CHIT1: variants seen among roughly 807,000 people sequenced by gnomAD.
CHIT1 encodes the protein chitotriosidase-1.
CHIT1 carries 47 observed loss-of-function variants against 52.0 expected under a neutral mutation model. The observed-to-expected ratio is 0.90, with a 90% CI of 0.71 to 1.15. CHIT1 has a LOEUF of 1.15. Among genes scored for constraint, CHIT1 ranks in the 50% most tolerant of loss-of-function variants. CHIT1 has a pLI of 0.00. For missense variants in CHIT1, 569 were observed against 583.0 expected, an observed-to-expected ratio of 0.98 and a Z score of 0.25; for synonymous variants, 242 against 228.2, an observed-to-expected ratio of 1.06 and a Z score of -0.54.
intron 2 of CHIT1, 52 bp from the exon 3 acceptor site, chr1:203,225,922 G>T (rs773845802): frequency 6.3e-7 from 1 of 1,589,066 alleles, no homozygotes; most frequent in East Asian, 2.3e-5. Flanking sequence ...ACCTTCTGGG[G>T]ACTGGTCACC....
chr1:203,229,666 T>G lies in CHIT1; in HGVS notation c.-30A>C, dbSNP rs780552683. The G allele has an allele frequency of 1.2e-6, 2 of 1,606,122 alleles. No homozygotes were observed. Among genetic ancestry groups the G allele is most frequent in the Admixed American group, 3.3e-5 (2 of 59,840 alleles). ...CAGCTCAGCGGCAGGCTGCAGCCCA[T>G]ACAAACCAGCTTTCCAGGTCCTGCT... is the stretch of plus-strand genomic sequence containing the variant. On this transcript the variant is annotated 5_prime_UTR_variant, in exon 1 of 11. It removes an upstream start codon present in the reference 5' UTR. Transcript: ENST00000367229.
chr1:203,222,349 G>A, intron 6 of CHIT1, 24 bp from the exon 7 acceptor site: 1 of 1,614,116 alleles, frequency 6.2e-7, no homozygotes, highest in Non-Finnish European at 8.5e-7. Context: ...GGAAGAGGAG[G>A]TGAGAAACAA....
intron 9 of CHIT1, among the ~76,000 whole-genome samples, chr1:203,218,318 C>T (rs1656613199): frequency 6.6e-6 from 1 of 152,206 alleles, no homozygotes; most frequent in Non-Finnish European, 1.5e-5. Flanking sequence ...TCTTTGTCTT[C>T]CCTGAGAGCC....
chr1:203,219,151 A>G, intron 9 of CHIT1, 65 bp downstream of exon 9: 1 of 856,692 alleles, frequency 1.2e-6, no homozygotes, highest in Non-Finnish European at 2.1e-6. Context: ...AACTGTCCTC[A>G]TTCCATGTCA....
chr1:203,220,001 C>T, intron 7 of CHIT1, 152 bp from the exon 8 acceptor site: 2 of 951,516 alleles, frequency 2.1e-6, no homozygotes, highest in South Asian at 2.8e-5. Context: ...ACCCCATCTT[C>T]TTTAGAGCCT....
intron 10 of CHIT1, 113 bp downstream of exon 10, chr1:203,217,626 G>T: frequency 1.3e-6 from 2 of 1,529,474 alleles, no homozygotes; most frequent in Middle Eastern, 1.9e-4. Flanking sequence ...TTACAGTATT[G>T]GGGCAAAGTC....
At chr1:203,218,679 G>A (rs909681444) in intron 9 of CHIT1, among the ~76,000 whole-genome samples, 5 of 151,882 alleles carry the variant, frequency 3.3e-5, no homozygotes, top group Admixed American at 6.6e-5. Context: ...AGCCAGGATC[G>A]TGCCCCCCTG....
chr1:203,229,454 G>A (rs1452020658), intron 1 of CHIT1, among the ~76,000 whole-genome samples, 158 bp downstream of exon 1: 2 of 152,102 alleles, frequency 1.3e-5, no homozygotes, highest in East Asian at 1.9e-4. Context: ...GGTAATCAAG[G>A]GACTGCAAGC....
At chr1:203,219,619 C>A in intron 8 of CHIT1, 45 bp downstream of exon 8, 1 of 1,600,972 alleles carries the variant, frequency 6.2e-7, no homozygotes, top group Non-Finnish European at 8.6e-7. Context: ...CTCTCAGGCA[C>A]CCCCTGACCC....
chr1:203,226,328 C>T (rs1208940661), intron 2 of CHIT1, among the ~76,000 whole-genome samples: 1 of 152,158 alleles, frequency 6.6e-6, no homozygotes, highest in Non-Finnish European at 1.5e-5. Context: ...CCCCTCCAGG[C>T]CCTGAAACCT....
chr1:203,227,541 G>A (rs6704514), intron 2 of CHIT1, among the ~76,000 whole-genome samples: 1 of 152,194 alleles, frequency 6.6e-6, no homozygotes, highest in Non-Finnish European at 1.5e-5. Context: ...CTCGCTGTGC[G>A]ACTCAGCTTC....
intron 7 of CHIT1, 144 bp from the exon 8 acceptor site, chr1:203,219,993 C>G: frequency 2.0e-6 from 2 of 1,013,322 alleles, no homozygotes; most frequent in Non-Finnish European, 3.0e-6. Flanking sequence ...CCAGCCCTAC[C>G]CCATCTTCTT....
intron 1 of CHIT1, 88 bp downstream of exon 1, chr1:203,229,524 C>T: frequency 2.7e-6 from 4 of 1,508,084 alleles, no homozygotes; most frequent in Non-Finnish European, 2.7e-6. Context: ...CTCCTGCTTC[C>T]TTGCAAATGG....
chr1:203,217,125 A>T lies in CHIT1; in HGVS notation c.1165T>A (p.Tyr389Asn). 6.2e-7 allele frequency: 1 copy of T among 1,605,594 alleles called. No individual in the cohort carries two copies. The highest frequency in any genetic ancestry group is 8.5e-7 in the Non-Finnish European group (1 of 1,179,970). The stretch of plus-strand genomic sequence containing the variant: ...AGCTCTGGGGTGCCTGAAGGCAAGT[A>T]TGGAAGACCTGGGAAGACAGTGAAG... The part of the protein sequence containing the change: ...QTLRQELSLP[Y>N]LPSGTPELEV... Residue 389 changes from tyrosine to asparagine, a missense_variant, in exon 11 of 11, where the codon TAC becomes AAC. Transcript: ENST00000367229.
At chr1:203,228,893 G>T (rs1175233511) in intron 1 of CHIT1, among the ~76,000 whole-genome samples, 2 of 152,222 alleles carry the variant, frequency 1.3e-5, no homozygotes, top group African/African-American at 4.8e-5. Context: ...TAGAGAGATA[G>T]TTTCTCTTTC....
Position 203,222,329 on chromosome 1 carries a change from C to T in CHIT1, c.606-4G>A. The T allele has an allele frequency of 1.9e-6, 3 of 1,614,194 alleles. No homozygotes were observed. The highest frequency in any genetic ancestry group is 2.5e-6 in the Non-Finnish European group (3 of 1,180,034). On this transcript the variant is annotated splice_polypyrimidine_tract_variant and splice_region_variant and intron_variant, in intron 6 of 10. Coordinates refer to ENST00000367229, the MANE Select transcript of CHIT1 (RefSeq NM_003465.3). ...AAGGTTGACAAAATCCAGGTTCCTG[C>T]AGGAGGCATGGAAGAGGAGGTGAGA...
In CHIT1 at chr1:203,216,498, CA is replaced by C. The variant is rs1558157232; in HGVS notation, c.*390del. On this transcript the variant is annotated 3_prime_UTR_variant, in exon 11 of 11. Transcript: ENST00000367229. ...GCACTTGGGGCCGCGCTCTGGCTGC[CA>C]TCACCTGTGTACTGGAAACTGCCCA... 2 of 459,556 alleles carry C rather than the reference CA, an allele frequency of 4.4e-6. No homozygotes were observed. Among genetic ancestry groups the C allele is most frequent in the Non-Finnish European group, 8.7e-6 (2 of 230,688 alleles). The allele number at this position is 459,556 out of a possible 1,614,324, so 28.5% of individuals were successfully genotyped here.
At position 203,216,511 on chromosome 1, in the gene CHIT1, C is replaced by T. The variant is rs1475525374; in HGVS notation, c.*378G>A. ...CGCTCTGGCTGCCATCACCTGTGTA[C>T]TGGAAACTGCCCACTGGCATATGGA... On this transcript the variant is annotated 3_prime_UTR_variant, in exon 11 of 11. Transcript: ENST00000367229. The T allele has an allele frequency of 4.3e-6, 2 of 460,664 alleles. No homozygotes were observed. The highest frequency in any genetic ancestry group is 1.5e-5 in the South Asian group (1 of 64,538). The allele number at this position is 460,664 out of a possible 1,614,324, so 28.5% of individuals were successfully genotyped here. A position where few individuals can be genotyped will look rare whatever the true frequency, so the allele number is the denominator to read the frequency against.
intron 4 of CHIT1, 141 bp from the exon 5 acceptor site, chr1:203,223,801 G>A (rs1294564945): frequency 5.8e-6 from 5 of 865,812 alleles, no homozygotes; most frequent in Non-Finnish European, 9.7e-6. Flanking sequence ...CTGCTTCAGA[G>A]GCTGCAGGGA....
Sources: gnomAD v4.1 joint callset for allele counts (sites outside exome capture counted in the v4.1 genomes callset) on GRCh38, gnomAD v4.1.1 for gene constraint, MANE v1.5 for transcripts, NCBI Gene and HGNC (gene_info 2026-07-23, HGNC 2026-07-21) for gene names.